Variants in HEATR5A observed in about 807,000 individuals in gnomAD.
HEATR5A encodes the protein HEAT repeat-containing protein 5A.
In HEATR5A, 178 loss-of-function variants were observed where a neutral mutation model predicts 218.8. That is an observed-to-expected ratio of 0.81 (90% CI 0.72 to 0.92). The LOEUF (loss-of-function observed/expected upper bound fraction) is 0.92, where lower values mean the gene tolerates loss of function less well. Among genes scored for constraint, HEATR5A ranks in the 40% least tolerant of loss-of-function variants. The pLI, the probability that HEATR5A is intolerant of heterozygous loss-of-function variation, is 0.00. For synonymous variants in HEATR5A, 864 were observed against 871.6 expected (o/e 0.99, Z 0.15); for missense variants, 2,420 against 2,418.9 (o/e 1.00, Z -0.01).
At chr14:31,418,679 T>C (rs527970007) in intron 1 of HEATR5A, among the ~76,000 whole-genome samples, 1 of 152,338 alleles carries the variant, frequency 6.6e-6, no homozygotes, top group South Asian at 2.1e-4. Context: ...AGGACTGTGG[T>C]CTCATTAAAG....
intron 9 of HEATR5A, 134 bp from the exon 10 acceptor site, chr14:31,383,905 A>G: frequency 4.7e-6 from 3 of 635,654 alleles, no homozygotes; most frequent in Non-Finnish European, 7.5e-6. Flanking sequence ...AGAAAAATAC[A>G]TAATTACAAA....
intron 11 of HEATR5A, among the ~76,000 whole-genome samples, chr14:31,377,752 C>T (rs930407639): frequency 3.3e-5 from 5 of 151,948 alleles, no homozygotes; most frequent in African/African-American, 9.7e-5. Flanking sequence ...GCACTCCAGC[C>T]TGGGTGACAG....
chr14:31,400,909 C>G (rs988059195), intron 2 of HEATR5A, among the ~76,000 whole-genome samples: 3 of 151,410 alleles, frequency 2.0e-5, no homozygotes, highest in Admixed American at 6.6e-5. Context: ...GCCCGATCTC[C>G]GGTCACTGCA....
chr14:31,329,694 C>T (rs555015477), intron 22 of HEATR5A, among the ~76,000 whole-genome samples: 1 of 152,102 alleles, frequency 6.6e-6, no homozygotes, highest in Non-Finnish European at 1.5e-5. Flanking sequence ...ATCTACCACT[C>T]TGGGGTCTAG....
At chr14:31,390,816 T>G (rs2030423834) in intron 6 of HEATR5A, among the ~76,000 whole-genome samples, 1 of 151,362 alleles carries the variant, frequency 6.6e-6, no homozygotes, top group Non-Finnish European at 1.5e-5. Context: ...ATGTATTTAT[T>G]ATACTTTTTA....
At chr14:31,359,513 G>A (rs1373342598) in intron 14 of HEATR5A, among the ~76,000 whole-genome samples, 1 of 151,768 alleles carries the variant, frequency 6.6e-6, no homozygotes, top group Non-Finnish European at 1.5e-5. Flanking sequence ...GATCACTTGA[G>A]GTCAGGAGTT....
At chr14:31,388,253 T>C (rs1294261701) in intron 7 of HEATR5A, among the ~76,000 whole-genome samples, 2 of 152,126 alleles carry the variant, frequency 1.3e-5, no homozygotes, top group Non-Finnish European at 2.9e-5. Context: ...AAAGACAATA[T>C]ATGTGAATTT....
At chr14:31,372,032 T>A (rs1205039032) in intron 12 of HEATR5A, 123 bp from the exon 13 acceptor site, 4 of 517,846 alleles carry the variant, frequency 7.7e-6, no homozygotes, top group Non-Finnish European at 1.4e-5. Flanking sequence ...AATAAAAAAA[T>A]TCTTGAAACT....
intron 2 of HEATR5A, 22 bp downstream of exon 2, chr14:31,402,828 C>G: frequency 6.5e-7 from 1 of 1,535,454 alleles, no homozygotes; most frequent in Non-Finnish European, 8.7e-7. Flanking sequence ...AACAAAAAAA[C>G]AGATGTTGTC....
chr14:31,391,568 A>G (rs145142663), intron 6 of HEATR5A, among the ~76,000 whole-genome samples: 1 of 151,792 alleles, frequency 6.6e-6, no homozygotes, highest in Admixed American at 6.6e-5. Context: ...TTTTAAATTT[A>G]GCATAGCCTA....
intron 2 of HEATR5A, among the ~76,000 whole-genome samples, chr14:31,401,676 T>A (rs2030883353): frequency 6.6e-6 from 1 of 152,210 alleles, no homozygotes; most frequent in Non-Finnish European, 1.5e-5. Flanking sequence ...TAAGCATGCA[T>A]CACCATGTCC....
At chr14:31,349,744 G>A in intron 18 of HEATR5A, 45 bp downstream of exon 18, 1 of 1,366,230 alleles carries the variant, frequency 7.3e-7, no homozygotes, top group South Asian at 1.2e-5. Context: ...GCTATACCCA[G>A]TTTTGAAACA....
At chr14:31,378,794 AAAC>A (rs1273015411) in intron 11 of HEATR5A, among the ~76,000 whole-genome samples, 3 of 140,122 alleles carry the variant, frequency 2.1e-5, no homozygotes, top group African/African-American at 5.4e-5. Context: ...CCTCAAAAAA[AAAC>A]AAACAAAAAA....
chr14:31,353,941 A>G (rs1174713559), intron 16 of HEATR5A, among the ~76,000 whole-genome samples: 3 of 151,924 alleles, frequency 2.0e-5, no homozygotes, highest in Non-Finnish European at 2.9e-5. Flanking sequence ...CTGGGACTAC[A>G]GGCGCCCACA....
Position 31,364,300 on chromosome 14 carries a change from TTAAAA to T in HEATR5A, c.1962-7_1962-3del, listed in dbSNP as rs1354129248. 15 of 1,462,434 alleles carry T rather than the reference TTAAAA, an allele frequency of 1.0e-5. No individual in the cohort carries two copies. The highest frequency in any genetic ancestry group is 2.5e-5 in the East Asian group (1 of 40,778). 90.6% of individuals were successfully genotyped at this position (1,462,434 alleles called of 1,614,324 possible). ...TACATTTTTAGTATTGAAGAAAGCC[TTAAAA>T]TAAAAGAAAAAGTGTATCTTAAGTG... On this transcript the variant is annotated splice_region_variant and splice_polypyrimidine_tract_variant and intron_variant, in intron 13 of 35. Coordinates refer to ENST00000543095, the MANE Select transcript of HEATR5A (RefSeq NM_015473.4).
At chr14:31,298,754 C>T (rs563587640) in intron 33 of HEATR5A, among the ~76,000 whole-genome samples, 7 of 152,278 alleles carry the variant, frequency 4.6e-5, no homozygotes, top group Admixed American at 4.6e-4. Context: ...CTATCTCCAA[C>T]CCCATGTCCA....
Position 31,350,662 on chromosome 14 carries a change from G to A in HEATR5A, c.2467C>T (p.Gln823Ter). The change falls in exon 17 of 36, where the codon CAG becomes TAG. Residue 823 changes from glutamine to a stop codon, truncating the protein, a stop_gained. Transcript: ENST00000543095. LOFTEE classifies it high-confidence loss of function. ...ACAACATGTAACTGAACCACTTGCT[G>A]ACGAGCTCCTTTTGTGTGCTTTATA... ...DSIKHTKGAR[Q>*]QVVQLHVVSS... The A allele has an allele frequency of 1.9e-6, 3 of 1,603,264 alleles. No individual in the cohort carries two copies. The highest frequency in any genetic ancestry group is 1.1e-5 in the South Asian group (1 of 89,230).
chr14:31,330,507 G>A (rs1304137478), intron 22 of HEATR5A, among the ~76,000 whole-genome samples: 2 of 152,022 alleles, frequency 1.3e-5, no homozygotes, highest in Non-Finnish European at 2.9e-5. Context: ...TAACATTCGA[G>A]GCCAGCGCCG....
chr14:31,358,885 T>C lies in HEATR5A; in HGVS notation c.2235+9A>G, dbSNP rs751582326. On this transcript the variant is annotated intron_variant, in intron 15 of 35. Transcript: ENST00000543095. ...ATTGAATCTAATCAAGAGTAAAAAATGGCCATACCTGTTCTTCAATAAATC... is the reference window on the plus strand; with the variant it reads ...ATTGAATCTAATCAAGAGTAAAAAACGGCCATACCTGTTCTTCAATAAATC... 1.9e-5 allele frequency: 30 copies of C among 1,596,732 alleles called. 1 individual carries two copies. The highest frequency in any genetic ancestry group is 1.2e-4 in the South Asian group (11 of 88,500).
Sources: allele counts gnomAD v4.1 joint callset (sites outside exome capture counted in the v4.1 genomes callset), GRCh38; gene constraint gnomAD v4.1.1; transcripts MANE v1.5; gene names NCBI Gene and HGNC (gene_info 2026-07-23, HGNC 2026-07-21).